The following NT5DC1 variants were observed in gnomAD, a reference collection of about 807,000 sequenced individuals.
The protein encoded by NT5DC1 is 5'-nucleotidase domain containing 1, also known as 5'-nucleotidase domain-containing protein 1.
A neutral mutation model predicts 59.4 loss-of-function variants in NT5DC1; 42 were observed. The observed-to-expected ratio is 0.71, with a 90% CI of 0.55 to 0.92. The LOEUF is 0.92. Among genes scored for constraint, NT5DC1 ranks in the 40% least tolerant of loss-of-function variants. The probability of loss-of-function intolerance (pLI) is 0.00; values close to 1 mark genes in which losing one functional copy is unlikely to be tolerated. For synonymous variants in NT5DC1, 172 were observed against 188.1 expected, an observed-to-expected ratio of 0.91 and a Z score of 0.70; for missense variants, 501 against 537.1, an observed-to-expected ratio of 0.93 and a Z score of 0.66.
intron 6 of NT5DC1, among the ~76,000 whole-genome samples, chr6:116,213,499 A>C (rs1415655658): frequency 1.3e-5 from 2 of 152,076 alleles, no homozygotes; most frequent in Non-Finnish European, 2.9e-5. Context: ...ACTGCATTCT[A>C]TTGGTCAAAG....
Position 116,121,958 on chromosome 6 carries a change from A to C in NT5DC1, c.529+4013A>C, listed in dbSNP as rs200692352. 138 of 1,611,664 alleles carry C rather than the reference A, an allele frequency of 8.6e-5. No individual in the cohort carries two copies. Among genetic ancestry groups the C allele is most frequent in the Admixed American group, 3.0e-4 (18 of 60,002 alleles). ...AGTACCTTGCTCTCCTCTTACTGCTATACCTAAAAGACACACCCAACACAC... is the reference window on the plus strand; with the variant it reads ...AGTACCTTGCTCTCCTCTTACTGCTCTACCTAAAAGACACACCCAACACAC... On this transcript the variant is annotated intron_variant, in intron 6 of 11. Coordinates refer to ENST00000319550, the MANE Select transcript of NT5DC1 (RefSeq NM_152729.3).
intron 6 of NT5DC1, chr6:116,121,583 G>T: frequency 6.2e-7 from 1 of 1,613,992 alleles, no homozygotes; most frequent in South Asian, 1.1e-5. Context: ...GACTCCTGGT[G>T]CACCCTTTTC....
intron 1 of NT5DC1, among the ~76,000 whole-genome samples, chr6:116,104,974 C>T (rs1778741688): frequency 6.6e-6 from 1 of 152,128 alleles, no homozygotes. Flanking sequence ...GAAGTGTCAC[C>T]TATGGTTCTG....
intron 6 of NT5DC1, among the ~76,000 whole-genome samples, chr6:116,211,505 A>C (rs1781576932): frequency 6.6e-6 from 1 of 152,066 alleles, no homozygotes; most frequent in African/African-American, 2.4e-5. Context: ...AGTTGACTGT[A>C]TTTTATGTAT....
At position 116,108,435 on chromosome 6, in the gene NT5DC1, G is replaced by A. The variant is rs1250493730; in HGVS notation, c.257G>A (p.Arg86Lys). 6.3e-7 allele frequency: 1 copy of A among 1,588,240 alleles called. No homozygotes were observed. Among genetic ancestry groups the A allele is most frequent in the Admixed American group, 1.7e-5 (1 of 59,960 alleles). ...LKLANNGTVL[R>K]ASHGTKMMTP... ...CTTGCAAATAATGGCACTGTTCTCAGGTAATAAAACTTAGTTGTGAAGTCT... is the reference window on the plus strand; with the variant it reads ...CTTGCAAATAATGGCACTGTTCTCAAGTAATAAAACTTAGTTGTGAAGTCT... Residue 86 changes from arginine to lysine, a missense_variant and splice_region_variant, in exon 3 of 12, where the codon AGG becomes AAG. Coordinates refer to ENST00000319550, the MANE Select transcript of NT5DC1 (RefSeq NM_152729.3).
chr6:116,114,981 G>A (rs573708224), intron 4 of NT5DC1, among the ~76,000 whole-genome samples: 1 of 152,314 alleles, frequency 6.6e-6, no homozygotes, highest in Admixed American at 6.5e-5. Flanking sequence ...GCAATCAGAC[G>A]CAGGCCAAGG....
intron 6 of NT5DC1, among the ~76,000 whole-genome samples, chr6:116,176,698 C>T (rs1483112796): frequency 6.6e-6 from 1 of 152,190 alleles, no homozygotes; most frequent in African/African-American, 2.4e-5. Context: ...GCCTGTTGGA[C>T]TTGCTGCCCT....
chr6:116,132,101 G>T (rs1779483154), intron 6 of NT5DC1, among the ~76,000 whole-genome samples: 1 of 152,132 alleles, frequency 6.6e-6, no homozygotes, highest in Admixed American at 6.6e-5. Context: ...TTGATTCCAT[G>T]TCTTTAACAC....
intron 6 of NT5DC1, chr6:116,125,570 G>C: frequency 6.9e-7 from 1 of 1,458,992 alleles, no homozygotes; most frequent in Non-Finnish European, 9.5e-7. Context: ...TTATTCTCAT[G>C]TTTCACAGAT....
At chr6:116,161,291 T>C (rs992176974) in intron 6 of NT5DC1, among the ~76,000 whole-genome samples, 2 of 151,668 alleles carry the variant, frequency 1.3e-5, no homozygotes, top group Admixed American at 6.6e-5. Context: ...TGTATACATA[T>C]GTAACTAACC....
intron 4 of NT5DC1, 147 bp from the exon 5 acceptor site, chr6:116,115,544 C>A: frequency 2.4e-6 from 1 of 413,590 alleles, no homozygotes. Context: ...AAGACAATGA[C>A]AGCCAATAAT....
chr6:116,183,210 T>C (rs998343401), intron 6 of NT5DC1, among the ~76,000 whole-genome samples: 1 of 152,292 alleles, frequency 6.6e-6, no homozygotes, highest in East Asian at 1.9e-4. Flanking sequence ...TTCTGGGTTC[T>C]CTATTCTGTT....
At chr6:116,170,577 G>C (rs2114450016) in intron 6 of NT5DC1, among the ~76,000 whole-genome samples, 1 of 152,212 alleles carries the variant, frequency 6.6e-6, no homozygotes, top group East Asian at 1.9e-4. Flanking sequence ...TAGCTGTTGG[G>C]TTTGTTTGTT....
At chr6:116,228,365 G>A (rs563518674) in intron 8 of NT5DC1, among the ~76,000 whole-genome samples, 8 of 152,230 alleles carry the variant, frequency 5.3e-5, no homozygotes, top group South Asian at 2.1e-4. Context: ...AAAATCAGGC[G>A]GGCATGGTGG....
At chr6:116,118,463 G>A (rs1779011128) in intron 6 of NT5DC1, among the ~76,000 whole-genome samples, 1 of 152,114 alleles carries the variant, frequency 6.6e-6, no homozygotes, top group African/African-American at 2.4e-5. Flanking sequence ...ATAAATAGAT[G>A]CCTTTATAGT....
chr6:116,166,025 T>A (rs1461895187), intron 6 of NT5DC1, among the ~76,000 whole-genome samples: 1 of 152,214 alleles, frequency 6.6e-6, no homozygotes, highest in Non-Finnish European at 1.5e-5. Context: ...AAATCCGCAC[T>A]GACAGCATTG....
intron 3 of NT5DC1, among the ~76,000 whole-genome samples, chr6:116,109,219 G>A (rs1999659): frequency 0.47 from 71,454 of 152,024 alleles, 18,046 homozygotes; most frequent in African/African-American, 0.66. Context: ...CCAGACCCCT[G>A]ATATGTACTC....
intron 8 of NT5DC1, among the ~76,000 whole-genome samples, chr6:116,233,882 A>G (rs1782062344): frequency 6.6e-6 from 1 of 152,126 alleles, no homozygotes; most frequent in Non-Finnish European, 1.5e-5. Context: ...CCCATTTTAA[A>G]ACTGTGGAAG....
At chr6:116,167,564 T>G (rs189537517) in intron 6 of NT5DC1, among the ~76,000 whole-genome samples, 1 of 152,196 alleles carries the variant, frequency 6.6e-6, no homozygotes, top group South Asian at 2.1e-4. Flanking sequence ...ACCAGTTATT[T>G]GTACTGATTT....
Sources: allele counts gnomAD v4.1 joint callset (sites outside exome capture counted in the v4.1 genomes callset), GRCh38; gene constraint gnomAD v4.1.1; transcripts MANE v1.5; gene names NCBI Gene and HGNC (gene_info 2026-07-23, HGNC 2026-07-21).